CCM2: variants seen among roughly 807,000 people sequenced by gnomAD.
The protein encoded by CCM2 is cerebral cavernous malformations 2 protein.
In CCM2, 25 loss-of-function variants were observed where a neutral mutation model predicts 44.9. The ratio of observed to expected loss-of-function variants is 0.56; its 90% confidence interval spans 0.41 to 0.78. The LOEUF (loss-of-function observed/expected upper bound fraction) is 0.78. Ranked by LOEUF, CCM2 falls within the 30% of genes least tolerant of loss-of-function variation. The pLI is 0.00. For missense variants in CCM2, 481 were observed against 580.6 expected, an observed-to-expected ratio of 0.83 and a Z score of 1.76; for synonymous variants, 219 against 241.1, an observed-to-expected ratio of 0.91 and a Z score of 0.85.
At chr7:45,061,012 G>A (rs530120662) in intron 2 of CCM2, among the ~76,000 whole-genome samples, 1 of 152,324 alleles carries the variant, frequency 6.6e-6, no homozygotes, top group East Asian at 1.9e-4. Flanking sequence ...GAGTTGGGCT[G>A]TGTTTACTGT....
chr7:45,026,936 T>G (rs181126984), intron 1 of CCM2: 1 of 152,628 alleles, frequency 6.6e-6, no homozygotes, highest in Non-Finnish European at 1.5e-5. Flanking sequence ...CCCTCCCTAT[T>G]TGCAAGCCAT....
At chr7:45,062,719 A>C (rs7798100) in intron 2 of CCM2, among the ~76,000 whole-genome samples, 5,266 of 151,956 alleles carry the variant, frequency 0.035, 310 homozygotes, top group African/African-American at 0.12. Flanking sequence ...CCAGCTACTC[A>C]GGAGGCTAAG....
chr7:45,041,839 C>G (rs534468584), intron 2 of CCM2, among the ~76,000 whole-genome samples: 1 of 152,232 alleles, frequency 6.6e-6, no homozygotes, highest in South Asian at 2.1e-4. Flanking sequence ...GTAATGAGGC[C>G]CTCCTATTCC....
rs1050273360 is a variant in CCM2, at chr7:45,005,549, TCA to T, written c.30+5188_30+5189del. ...CGTCAGCAGTGCCCCCTCCTTGTTGTCACTTTGCAGTGTAAGTAAATGGTCAT... is the reference window on the plus strand; with the variant it reads ...CGTCAGCAGTGCCCCCTCCTTGTTGTCTTTGCAGTGTAAGTAAATGGTCAT... On this transcript the variant is annotated intron_variant, in intron 1 of 9. Coordinates refer to ENST00000258781, the MANE Select transcript of CCM2 (RefSeq NM_031443.4). Among the ~76,000 whole-genome samples the T allele has an allele frequency of 2.2e-4, 8 of 37,040 alleles. No homozygotes were observed. The African/African-American group carries it at 2.5e-3, about 12-fold the overall frequency. 24.3% of individuals were successfully genotyped at this position (37,040 alleles called of 152,430 possible). A position where few individuals can be genotyped will look rare whatever the true frequency, so the allele number is the denominator to read the frequency against.
intron 1 of CCM2, among the ~76,000 whole-genome samples, chr7:45,005,951 G>C (rs1351310917): frequency 6.6e-6 from 1 of 152,134 alleles, no homozygotes; most frequent in East Asian, 1.9e-4. Flanking sequence ...AGCCACTGGA[G>C]GTGTTCCACA....
intron 1 of CCM2, among the ~76,000 whole-genome samples, chr7:45,019,414 C>G (rs1035754999): frequency 3.9e-5 from 6 of 152,076 alleles, no homozygotes; most frequent in Admixed American, 3.9e-4. Flanking sequence ...TTTGTCCTTA[C>G]TCTTAGGGTA....
intron 2 of CCM2, among the ~76,000 whole-genome samples, chr7:45,040,162 A>G (rs912947437): frequency 4.6e-5 from 7 of 152,080 alleles, no homozygotes; most frequent in East Asian, 1.9e-4. Flanking sequence ...TGGGAGGCCA[A>G]TCACGAGGTC....
chr7:45,044,280 C>A (rs912597254), intron 2 of CCM2, among the ~76,000 whole-genome samples: 10 of 152,162 alleles, frequency 6.6e-5, no homozygotes, highest in African/African-American at 2.2e-4. Flanking sequence ...ACTGCAGAAG[C>A]CTGCCACCAC....
intron 2 of CCM2, among the ~76,000 whole-genome samples, chr7:45,046,675 T>A (rs1004487101): frequency 7.8e-4 from 118 of 152,220 alleles, no homozygotes; most frequent in African/African-American, 2.8e-3. Flanking sequence ...GATGCAGGGC[T>A]ACGCAGAGTT....
chr7:45,048,546 C>T (rs1410436248), intron 2 of CCM2, among the ~76,000 whole-genome samples: 1 of 152,168 alleles, frequency 6.6e-6, no homozygotes, highest in Non-Finnish European at 1.5e-5. Context: ...AGGCGGATCA[C>T]GAGGTCAAGA....
At chr7:45,071,634 G>A (rs1420438313) in intron 6 of CCM2, 12 of 365,858 alleles carry the variant, frequency 3.3e-5, no homozygotes, top group Non-Finnish European at 6.4e-5. Flanking sequence ...TAAAGTTGAG[G>A]TGTCCACAGG....
In CCM2 at chr7:45,000,238, C is replaced by A. The variant is rs1322377391; in HGVS notation, c.-96C>A. On this transcript the variant is annotated 5_prime_UTR_variant, in exon 1 of 10. Coordinates refer to ENST00000258781, the MANE Select transcript of CCM2 (RefSeq NM_031443.4). ...CCCGGCTGGCGGGCGGCGCCGGGAG[C>A]GCGGGGGCGGCGGGCCCGGGTCGAG... 100 of 726,804 alleles carry A rather than the reference C, an allele frequency of 1.4e-4. 1 individual carries two copies. Among genetic ancestry groups the A allele is most frequent in the Non-Finnish European group, 1.6e-4 (95 of 611,522 alleles). The allele number at this position is 726,804 out of a possible 1,614,324, so 45.0% of individuals were successfully genotyped here.
At chr7:45,035,516 A>G (rs1010533893) in intron 1 of CCM2, among the ~76,000 whole-genome samples, 3 of 152,124 alleles carry the variant, frequency 2.0e-5, no homozygotes, top group Admixed American at 6.5e-5. Context: ...CTCTGGGTCT[A>G]TGAGAGGACT....
chr7:45,073,197 T>C (rs951290419), intron 7 of CCM2: 60 of 580,748 alleles, frequency 1.0e-4, no homozygotes, highest in Middle Eastern at 9.1e-4. Context: ...TGCCCAACAA[T>C]GCTGCCCACT....
intron 2 of CCM2, among the ~76,000 whole-genome samples, chr7:45,043,320 C>T (rs959285019): frequency 2.0e-5 from 3 of 151,886 alleles, no homozygotes; most frequent in Non-Finnish European, 4.4e-5. Context: ...CCAAACCAGA[C>T]AAAAAACAGT....
chr7:45,073,073 G>T, intron 7 of CCM2: 2 of 592,120 alleles, frequency 3.4e-6, no homozygotes, highest in Non-Finnish European at 6.0e-6. Context: ...CCCTGCCCGA[G>T]CCTGCCGAGG....
At chr7:45,063,853 G>T in intron 2 of CCM2, 65 bp from the exon 3 acceptor site, 1 of 1,075,230 alleles carries the variant, frequency 9.3e-7, no homozygotes. Flanking sequence ...GCTCTCGGTG[G>T]TAGTGATGGT....
chr7:45,044,085 G>C (rs1469689008), intron 2 of CCM2, among the ~76,000 whole-genome samples: 1 of 152,140 alleles, frequency 6.6e-6, no homozygotes, highest in East Asian at 1.9e-4. Flanking sequence ...CCACAGATCT[G>C]TCTTTATTTT....
chr7:45,016,008 C>A (rs959557491), intron 1 of CCM2, among the ~76,000 whole-genome samples: 1 of 152,232 alleles, frequency 6.6e-6, no homozygotes, highest in African/African-American at 2.4e-5. Flanking sequence ...TTTATTTCCT[C>A]TGGAAAATTT....
Sources: allele counts gnomAD v4.1 joint callset (sites outside exome capture counted in the v4.1 genomes callset), GRCh38; gene constraint gnomAD v4.1.1; transcripts MANE v1.5; gene names NCBI Gene and HGNC (gene_info 2026-07-23, HGNC 2026-07-21).